Variants in SLC10A1 observed in about 807,000 individuals in gnomAD.
The protein encoded by SLC10A1 is hepatic sodium/bile acid cotransporter.
A neutral mutation model predicts 20.5 loss-of-function variants in SLC10A1; 36 were observed. That is an observed-to-expected ratio of 1.75 (90% CI 1.34 to 2.32). SLC10A1 has a LOEUF of 2.32. Ranked by LOEUF, SLC10A1 falls within the 30% of genes most tolerant of loss-of-function variation. The probability of loss-of-function intolerance (pLI) is 0.00; values close to 1 mark genes in which losing one functional copy is unlikely to be tolerated. For missense variants in SLC10A1, 545 were observed against 439.1 expected, an observed-to-expected ratio of 1.24 and a Z score of -2.16; for synonymous variants, 188 against 163.6, an observed-to-expected ratio of 1.15 and a Z score of -1.14.
At chr14:69,789,516 G>T (rs965253326) in intron 1 of SLC10A1, among the ~76,000 whole-genome samples, 1 of 152,202 alleles carries the variant, frequency 6.6e-6, no homozygotes, top group Non-Finnish European at 1.5e-5. Context: ...AAGATTAGTG[G>T]TTGTCAAGGG....
chr14:69,783,783 A>G (rs11624523), intron 2 of SLC10A1, among the ~76,000 whole-genome samples: 55,263 of 151,942 alleles, frequency 0.36, 11,921 homozygotes, highest in African/African-American at 0.6. Flanking sequence ...AGGTAAGGAT[A>G]GAGAGGAATG....
intron 2 of SLC10A1, among the ~76,000 whole-genome samples, chr14:69,783,506 G>A (rs1392196625): frequency 6.6e-6 from 1 of 152,182 alleles, no homozygotes; most frequent in African/African-American, 2.4e-5. Flanking sequence ...GTGAAAGATG[G>A]TGAGTGGGGT....
chr14:69,791,301 A>C (rs1883832947), intron 1 of SLC10A1, among the ~76,000 whole-genome samples: 1 of 151,794 alleles, frequency 6.6e-6, no homozygotes, highest in Non-Finnish European at 1.5e-5. Context: ...AATAGCTAAC[A>C]TGATTTTTTT....
chr14:69,786,466 C>A (rs190547040), intron 1 of SLC10A1, among the ~76,000 whole-genome samples, 159 bp from the exon 2 acceptor site: 1 of 152,186 alleles, frequency 6.6e-6, no homozygotes, highest in African/African-American at 2.4e-5. Context: ...ATCTTCTTTT[C>A]GCTGACAAGG....
chr14:69,783,110 C>G (rs1304593075), intron 2 of SLC10A1, among the ~76,000 whole-genome samples: 1 of 152,042 alleles, frequency 6.6e-6, no homozygotes, highest in Non-Finnish European at 1.5e-5. Context: ...CACAAACTAT[C>G]TTAAAAAAAT....
In SLC10A1 at chr14:69,797,072, G is replaced by T. The variant is rs1434384653; in HGVS notation, c.84C>A (p.Ser28Arg). 1.2e-6 allele frequency: 2 copies of T among 1,614,174 alleles called. No homozygotes were observed. The highest frequency in any genetic ancestry group is 1.7e-5 in the Admixed American group (1 of 60,024). ...AGAACAACATGAACACCAGGATGAC[G>T]CTCAGTGCCAGGTCTGTGGGGCGCT... Reference protein sequence around the residue: ...FGKRPTDLALSVILVFMLFFI... With the variant: ...FGKRPTDLALRVILVFMLFFI... The change falls in exon 1 of 5, where the codon AGC becomes AGA. Residue 28 changes from serine (S) to arginine (R), a missense_variant. Ser to Arg is a moderately radical substitution (Grantham distance 110). Transcript: ENST00000216540.
chr14:69,783,671 G>A (rs1483136195), intron 2 of SLC10A1, among the ~76,000 whole-genome samples: 2 of 152,212 alleles, frequency 1.3e-5, no homozygotes, highest in South Asian at 2.1e-4. Flanking sequence ...GAGGCTTTAA[G>A]CAGTGGAGTG....
chr14:69,784,722 TGAGA>T (rs201897717), intron 2 of SLC10A1, among the ~76,000 whole-genome samples: 2 of 151,806 alleles, frequency 1.3e-5, no homozygotes, highest in African/African-American at 2.4e-5. Flanking sequence ...ATTTTAGAAA[TGAGA>T]GAGAGGGGAG....
At chr14:69,788,748 G>T (rs540232684) in intron 1 of SLC10A1, among the ~76,000 whole-genome samples, 1 of 151,644 alleles carries the variant, frequency 6.6e-6, no homozygotes, top group Non-Finnish European at 1.5e-5. Context: ...GGGTTTCACC[G>T]TGTTAGCCAG....
At chr14:69,782,061 C>T (rs777372725) in intron 2 of SLC10A1, among the ~76,000 whole-genome samples, 5 of 152,260 alleles carry the variant, frequency 3.3e-5, no homozygotes, top group African/African-American at 4.8e-5. Context: ...GCATAGTCCT[C>T]GAAGAGCCAT....
chr14:69,789,819 C>G (rs1174061159), intron 1 of SLC10A1, among the ~76,000 whole-genome samples: 2 of 150,988 alleles, frequency 1.3e-5, no homozygotes, highest in African/African-American at 4.9e-5. Flanking sequence ...AGTTAAGCAC[C>G]TTAAGAGGTT....
At chr14:69,795,800 A>T (rs891656255) in intron 1 of SLC10A1, among the ~76,000 whole-genome samples, 5 of 151,996 alleles carry the variant, frequency 3.3e-5, no homozygotes, top group Non-Finnish European at 7.4e-5. Context: ...TTTTCCTAGG[A>T]AAGTTTGGCT....
At chr14:69,784,138 G>T (rs1018379471) in intron 2 of SLC10A1, among the ~76,000 whole-genome samples, 1 of 152,180 alleles carries the variant, frequency 6.6e-6, no homozygotes, top group African/African-American at 2.4e-5. Context: ...GAGAGGTCTG[G>T]TGAGAAAGGC....
chr14:69,778,199 G>A, intron 4 of SLC10A1, 134 bp downstream of exon 4: 3 of 655,310 alleles, frequency 4.6e-6, no homozygotes, highest in Non-Finnish European at 7.7e-6. Flanking sequence ...GTGCTTCTTG[G>A]GGCTACCTGG....
chr14:69,779,533 T>A lies in SLC10A1; in HGVS notation c.568-173A>T, dbSNP rs74061428. Among the ~76,000 whole-genome samples, 869 of 152,296 alleles carry A rather than the reference T, an allele frequency of 5.7e-3. 3 individuals carry two copies. Among genetic ancestry groups the A allele is most frequent in the African/African-American group, 0.019 (807 of 41,550 alleles). On this transcript the variant is annotated intron_variant, in intron 2 of 4. Transcript: ENST00000216540. ...TTGGATTCCTTTCTTTAAATTTTTT[T>A]AAAATTATTAACATTAGAGACAGGG...
Position 69,797,055 on chromosome 14 carries a change from A to G in SLC10A1, c.101T>C (p.Met34Thr), listed in dbSNP as rs778846964. Residue 34 changes from methionine (M) to threonine (T), a missense_variant, in exon 1 of 5, where the codon ATG becomes ACG. Physicochemically the swap from Met to Thr is moderately conservative, Grantham distance 81. Coordinates refer to ENST00000216540, the MANE Select transcript of SLC10A1 (RefSeq NM_003049.4). ...DLALSVILVF[M>T]LFFIMLSLGC... ...CAGCGAGAGCATGATGAAGAACAAC[A>G]TGAACACCAGGATGACGCTCAGTGC... 9 of 1,614,060 alleles carry G rather than the reference A, an allele frequency of 5.6e-6. No homozygotes were observed. The Admixed American group carries it at 1.2e-4, about 21-fold the overall frequency.
Position 69,779,244 on chromosome 14 carries a change from CAG to C in SLC10A1, c.682_683del (p.Leu228AspfsTer49). 6.2e-7 allele frequency: 1 copy of C among 1,613,516 alleles called. No homozygotes were observed. Among genetic ancestry groups the C allele is most frequent in the Non-Finnish European group, 8.5e-7 (1 of 1,179,910 alleles). On this transcript the variant is annotated frameshift_variant, in exon 3 of 5. Coordinates refer to ENST00000216540, the MANE Select transcript of SLC10A1 (RefSeq NM_003049.4). LOFTEE classifies it high-confidence loss of function. ...CCAGCAGAAAGCCAATAAAAGGCAT[CAG>C]GGAGGAGGTGGCAATCAAGAGTGGT... ...MTPLLIATSS[L>X]MPFIGFLLGY...
chr14:69,794,739 G>A (rs1882353008), intron 1 of SLC10A1, among the ~76,000 whole-genome samples: 1 of 152,170 alleles, frequency 6.6e-6, no homozygotes, highest in Non-Finnish European at 1.5e-5. Context: ...GGAGTTTTAT[G>A]GCAGAAGGTG....
intron 4 of SLC10A1, among the ~76,000 whole-genome samples, chr14:69,776,758 T>G (rs1883457484): frequency 6.6e-6 from 1 of 152,226 alleles, no homozygotes; most frequent in Non-Finnish European, 1.5e-5. Context: ...CAAGAGAGTT[T>G]CCAGTTCTTC....
Sources: allele counts gnomAD v4.1 joint callset (sites outside exome capture counted in the v4.1 genomes callset), GRCh38; gene constraint gnomAD v4.1.1; transcripts MANE v1.5; gene names NCBI Gene and HGNC (gene_info 2026-07-23, HGNC 2026-07-21).